The following RAD51B variants were observed in gnomAD, a reference collection of about 807,000 sequenced individuals.
RAD51B encodes DNA repair protein RAD51 homolog 2.
RAD51B carries 38 observed loss-of-function variants against 42.2 expected under a neutral mutation model. The observed-to-expected ratio is 0.90, with a 90% CI of 0.70 to 1.18. RAD51B has a LOEUF of 1.18. Ranked by LOEUF, RAD51B falls within the 50% of genes most tolerant of loss-of-function variation. The pLI is 0.00. For synonymous variants in RAD51B, 154 were observed against 145.2 expected, an observed-to-expected ratio of 1.06 and a Z score of -0.43; for missense variants, 373 against 400.7, an observed-to-expected ratio of 0.93 and a Z score of 0.59.
chr14:68,351,313 T>C (rs527596538), intron 8 of RAD51B, among the ~76,000 whole-genome samples: 2 of 152,292 alleles, frequency 1.3e-5, no homozygotes, highest in Non-Finnish European at 2.9e-5. Flanking sequence ...GTACTACTTT[T>C]TGTACCAAAA....
intron 7 of RAD51B, among the ~76,000 whole-genome samples, chr14:67,959,865 C>T (rs540117039): frequency 9.9e-5 from 15 of 152,066 alleles, no homozygotes; most frequent in East Asian, 5.8e-4. Context: ...GGATCACTTG[C>T]GGTCAGGAGT....
chr14:68,406,402 A>G (rs1206737948), intron 8 of RAD51B, among the ~76,000 whole-genome samples: 1 of 152,162 alleles, frequency 6.6e-6, no homozygotes, highest in Non-Finnish European at 1.5e-5. Context: ...ACTATAGGCA[A>G]TTGGAACACA....
chr14:68,350,862 T>C (rs2082772111), intron 8 of RAD51B, among the ~76,000 whole-genome samples: 1 of 152,230 alleles, frequency 6.6e-6, no homozygotes, highest in Non-Finnish European at 1.5e-5. Context: ...TTTGACTTCT[T>C]TTGTGAACCA....
At chr14:68,667,860 C>T (rs1035252276) in intron 11 of RAD51B, among the ~76,000 whole-genome samples, 4 of 152,320 alleles carry the variant, frequency 2.6e-5, no homozygotes, top group South Asian at 4.1e-4. Context: ...CACCCTGCCC[C>T]GTGGATCCCC....
At chr14:68,513,758 G>GA (rs1291522153) in intron 10 of RAD51B, among the ~76,000 whole-genome samples, 1 of 152,158 alleles carries the variant, frequency 6.6e-6, no homozygotes, top group Non-Finnish European at 1.5e-5. Context: ...AAAAGCTACT[G>GA]AACCTCCCAG....
chr14:68,262,474 C>T (rs965830319), intron 7 of RAD51B, among the ~76,000 whole-genome samples: 4 of 152,116 alleles, frequency 2.6e-5, no homozygotes, highest in Non-Finnish European at 5.9e-5. Context: ...GAAAGGTAAA[C>T]AACACATCCC....
At chr14:67,957,076 A>G (rs959978586) in intron 7 of RAD51B, among the ~76,000 whole-genome samples, 1 of 152,234 alleles carries the variant, frequency 6.6e-6, no homozygotes, top group South Asian at 2.1e-4. Context: ...CTTGTGGGAC[A>G]TCAAGTCAGT....
chr14:68,444,707 G>T (rs773410629), intron 9 of RAD51B, among the ~76,000 whole-genome samples: 1 of 152,212 alleles, frequency 6.6e-6, no homozygotes, highest in Non-Finnish European at 1.5e-5. Flanking sequence ...GGCATTTGCT[G>T]TATTTTGTCA....
rs35948063 is a variant in RAD51B, at chr14:68,477,787, G to A, written c.*123G>A. The A allele has an allele frequency of 1.1e-3, 1,722 of 1,535,890 alleles. 25 individuals are homozygous for A. The Admixed American group carries it at 0.027, about 24-fold the overall frequency. The stretch of plus-strand genomic sequence containing the variant: ...GGGGATTAATTAGTTGATTGCTGTT[G>A]AGATGGTAACAGATTTGCTCCTAAA... On this transcript the variant is annotated 3_prime_UTR_variant, in exon 11 of 11. Transcript: ENST00000471583.
chr14:68,661,402 C>G (rs1224741595), intron 11 of RAD51B, among the ~76,000 whole-genome samples: 1 of 152,106 alleles, frequency 6.6e-6, no homozygotes, highest in Non-Finnish European at 1.5e-5. Flanking sequence ...GGGGTCTGCA[C>G]CAGGGGTTGA....
chr14:68,438,079 A>G (rs2085190839), intron 9 of RAD51B, among the ~76,000 whole-genome samples: 2 of 152,106 alleles, frequency 1.3e-5, no homozygotes, highest in African/African-American at 4.8e-5. Context: ...AGGAAAGGAA[A>G]GACAAACCAG....
chr14:67,995,865 C>T (rs1331137397), intron 7 of RAD51B, among the ~76,000 whole-genome samples: 1 of 152,038 alleles, frequency 6.6e-6, no homozygotes, highest in Non-Finnish European at 1.5e-5. Context: ...GATCCGCCCG[C>T]CTTGGCCTCC....
At chr14:68,500,720 G>C (rs975749125) in intron 10 of RAD51B, among the ~76,000 whole-genome samples, 3 of 152,182 alleles carry the variant, frequency 2.0e-5, no homozygotes, top group African/African-American at 7.2e-5. Flanking sequence ...AGGGCTCTAA[G>C]GTCCTTTCTT....
chr14:68,620,032 G>A (rs1479048354), intron 10 of RAD51B, among the ~76,000 whole-genome samples: 2 of 152,128 alleles, frequency 1.3e-5, no homozygotes, highest in Admixed American at 6.5e-5. Context: ...CTACCCCGGG[G>A]TTAGCCTCTC....
intron 10 of RAD51B, among the ~76,000 whole-genome samples, chr14:68,531,294 G>A (rs1887292099): frequency 6.6e-6 from 1 of 152,104 alleles, no homozygotes. Flanking sequence ...AATGTAAGCT[G>A]ATTAAATGTG....
At chr14:68,296,921 C>T (rs2081625470) in intron 8 of RAD51B, among the ~76,000 whole-genome samples, 1 of 152,172 alleles carries the variant, frequency 6.6e-6, no homozygotes. Flanking sequence ...AAGGAAAGAA[C>T]ACAAGAGAAA....
At chr14:68,473,938 T>A (rs1882322477) in intron 10 of RAD51B, among the ~76,000 whole-genome samples, 1 of 152,220 alleles carries the variant, frequency 6.6e-6, no homozygotes, top group Admixed American at 6.5e-5. Context: ...CATAAATGAT[T>A]TATTGTACAC....
intron 7 of RAD51B, among the ~76,000 whole-genome samples, chr14:68,251,286 T>C (rs1470871115): frequency 1.3e-5 from 2 of 152,186 alleles, no homozygotes; most frequent in Non-Finnish European, 2.9e-5. Context: ...TAATTTACCA[T>C]TGTGCTCCTC....
At chr14:68,094,385 TG>T (rs1292001734) in intron 7 of RAD51B, among the ~76,000 whole-genome samples, 1 of 152,214 alleles carries the variant, frequency 6.6e-6, no homozygotes, top group African/African-American at 2.4e-5. Context: ...TGTGATAGTT[TG>T]GTATGCACTA....
Sources: allele counts gnomAD v4.1 joint callset (sites outside exome capture counted in the v4.1 genomes callset), GRCh38; gene constraint gnomAD v4.1.1; transcripts MANE v1.5; gene names NCBI Gene and HGNC (gene_info 2026-07-23, HGNC 2026-07-21).